WEE1: variants seen among roughly 807,000 people sequenced by gnomAD.
WEE1 encodes wee1-like protein kinase.
WEE1 carries 16 observed loss-of-function variants against 68.8 expected under a neutral mutation model. That is an observed-to-expected ratio of 0.23 (90% confidence interval 0.16 to 0.35). The LOEUF (loss-of-function observed/expected upper bound fraction) is 0.35, where lower values mean the gene tolerates loss of function less well. Among genes scored for constraint, WEE1 ranks in the 10% least tolerant of loss-of-function variants. The pLI is 1.00. For synonymous variants in WEE1, 349 were observed against 318.7 expected (o/e 1.09, Z -1.01); for missense variants, 651 against 824.1 (o/e 0.79, Z 2.57).
At chr11:9,582,418 A>G (rs1849638094) in intron 6 of WEE1, among the ~76,000 whole-genome samples, 2 of 152,180 alleles carry the variant, frequency 1.3e-5, no homozygotes, top group South Asian at 4.1e-4. Flanking sequence ...GATTCAAGTT[A>G]AGCATCTTAG....
chr11:9,575,140 T>C, intron 1 of WEE1: 2 of 985,584 alleles, frequency 2.0e-6, no homozygotes, highest in Non-Finnish European at 2.4e-6. Flanking sequence ...GCCCAGCATT[T>C]GTTTTTATCG....
chr11:9,583,993 G>A (rs1482879290), intron 6 of WEE1, among the ~76,000 whole-genome samples: 1 of 151,052 alleles, frequency 6.6e-6, no homozygotes, highest in Non-Finnish European at 1.5e-5. Context: ...TTACAGGCGT[G>A]CACCACCATG....
Position 9,573,901 on chromosome 11 carries a change from T to C in WEE1, c.-33T>C, listed in dbSNP as rs1224125654. ...TGTCCTGGACCCCGCAGGCCTCCGCTCTCCTGTCCTCGGCCCCGTCCCCAG... is the reference window on the plus strand; with the variant it reads ...TGTCCTGGACCCCGCAGGCCTCCGCCCTCCTGTCCTCGGCCCCGTCCCCAG... On this transcript the variant is annotated 5_prime_UTR_variant, in exon 1 of 11. Transcript: ENST00000450114. 2 of 1,229,778 alleles carry C rather than the reference T, an allele frequency of 1.6e-6. No homozygotes were observed. Among genetic ancestry groups the C allele is most frequent in the Non-Finnish European group, 2.0e-6 (2 of 985,988 alleles). The allele number at this position is 1,229,778 out of a possible 1,614,324, so 76.2% of individuals were successfully genotyped here.
At chr11:9,580,060 A>AAAAGC (rs1849607654) in intron 5 of WEE1, 1 of 152,256 alleles carries the variant, frequency 6.6e-6, no homozygotes, top group Non-Finnish European at 1.5e-5. Context: ...CTAATTCTAT[A>AAAAGC]AAAGCAGGTT....
Position 9,585,243 on chromosome 11 carries a change from T to TA in WEE1, c.1289-15_1289-14insA. On this transcript the variant is annotated splice_polypyrimidine_tract_variant and intron_variant, in intron 6 of 10. Coordinates refer to ENST00000450114, the MANE Select transcript of WEE1 (RefSeq NM_003390.4). ...ATTATTATTAGTTTGGCTTACATAA[T>TA]TAACTGTTTGACAGGTAATATTTTC... The TA allele has an allele frequency of 1.3e-6, 2 of 1,583,760 alleles. No homozygotes were observed. The highest frequency in any genetic ancestry group is 1.7e-6 in the Non-Finnish European group (2 of 1,153,998).
intron 6 of WEE1, among the ~76,000 whole-genome samples, chr11:9,583,755 G>GCACA (rs1849657052): frequency 1.1e-4 from 1 of 8,754 alleles, no homozygotes; most frequent in African/African-American, 3.5e-4. Context: ...GTGCGTGCAC[G>GCACA]CGCGCGCACA....
intron 6 of WEE1, among the ~76,000 whole-genome samples, chr11:9,581,908 G>A (rs1187372044): frequency 6.6e-6 from 1 of 152,210 alleles, no homozygotes; most frequent in Non-Finnish European, 1.5e-5. Flanking sequence ...CTGTGGCCCA[G>A]GCCGGAATGC....
intron 6 of WEE1, among the ~76,000 whole-genome samples, chr11:9,582,137 C>T (rs1849635074): frequency 6.6e-6 from 1 of 152,258 alleles, no homozygotes; most frequent in South Asian, 2.1e-4. Context: ...CACTCTTCCA[C>T]TAGGCCAGAC....
Position 9,589,253 on chromosome 11 carries a change from TGATGAAA to T in WEE1, c.*652_*658del. ...ATTATGTGAAATGTATAGCTGCTTTTGATGAAAAGCAGCTATTTGCCTTTTTTTTTTT... is the reference window on the plus strand; with the variant it reads ...ATTATGTGAAATGTATAGCTGCTTTTAGCAGCTATTTGCCTTTTTTTTTTT... On this transcript the variant is annotated 3_prime_UTR_variant, in exon 11 of 11. Transcript: ENST00000450114. 1 of 985,250 alleles carries T rather than the reference TGATGAAA, an allele frequency of 1.0e-6. No individual in the cohort carries two copies. Among genetic ancestry groups the T allele is most frequent in the Non-Finnish European group, 1.2e-6 (1 of 829,650 alleles). 61.0% of individuals were successfully genotyped at this position (985,250 alleles called of 1,614,324 possible).
Position 9,574,326 on chromosome 11 carries a change from C to T in WEE1, c.393C>T (p.Pro131=), listed in dbSNP as rs543072187. The stretch of plus-strand genomic sequence containing the variant: ...CGCCGGTCAAGTCGCCGGCGGCCCC[C>T]TACTTCCTGGGTAGCTCTTTCTCGC... ...SSSPVKSPAA[P]YFLGSSFSPV... is the part of the protein sequence containing the mutation. Residue 131 remains proline (P), a synonymous_variant, in exon 1 of 11, where the codon CCC becomes CCT. Coordinates refer to ENST00000450114, the MANE Select transcript of WEE1 (RefSeq NM_003390.4). This position sits in a 1 kb window ranked among gnomAD's most constrained non-coding sequence, Gnocchi z 4.9. 1.1e-4 allele frequency: 136 copies of T among 1,275,224 alleles called. No homozygotes were observed. In the African/African-American group the frequency reaches 1.7e-3, roughly 16 times the overall value. 79.0% of individuals were successfully genotyped at this position (1,275,224 alleles called of 1,614,324 possible).
At chr11:9,585,186 G>A (rs1364015186) in intron 6 of WEE1, 72 bp from the exon 7 acceptor site, 1 of 1,157,546 alleles carries the variant, frequency 8.6e-7, no homozygotes, top group Admixed American at 1.8e-5. Context: ...GGATGATTCT[G>A]GTATATGATC....
In WEE1 at chr11:9,585,269, A is replaced by G. The variant is rs147537355; in HGVS notation, c.1300A>G (p.Ile434Val). ...TAACTGTTTGACAGGTAATATTTTCATATCTCGAACCTCAATCCCAAATGC... is the reference window on the plus strand; with the variant it reads ...TAACTGTTTGACAGGTAATATTTTCGTATCTCGAACCTCAATCCCAAATGC... ...HMDIKPSNIF[I>V]SRTSIPNAAS... Residue 434 changes from isoleucine to valine, a missense_variant, in exon 7 of 11, where the codon ATA becomes GTA. Transcript: ENST00000450114. The G allele has an allele frequency of 7.3e-5, 117 of 1,613,054 alleles. No homozygotes were observed. Among genetic ancestry groups the G allele is most frequent in the Non-Finnish European group, 9.2e-5 (108 of 1,179,504 alleles).
At chr11:9,586,924 A>G in intron 10 of WEE1, 68 bp downstream of exon 10, 2 of 1,488,414 alleles carry the variant, frequency 1.3e-6, no homozygotes. Context: ...TTAATGAGAG[A>G]TGATTTAAGC....
chr11:9,581,498 A>G (rs1849627206), intron 5 of WEE1, 34 bp from the exon 6 acceptor site: 2 of 1,560,994 alleles, frequency 1.3e-6, no homozygotes, highest in East Asian at 2.3e-5. Context: ...TATTTCAGAA[A>G]GAAGAAAATG....
Position 9,574,566 on chromosome 11 carries a change from G to T in WEE1, c.576+57G>T. ...CGGGGCCGCGGCGCCGGAGGGGCCA[G>T]CGCCGCTGCCTGGGTTCGGTTACAG... On this transcript the variant is annotated intron_variant, in intron 1 of 10. Coordinates refer to ENST00000450114, the MANE Select transcript of WEE1 (RefSeq NM_003390.4). The surrounding 1 kb of genome is among the most constrained non-coding windows in gnomAD (Gnocchi z 4.9). The T allele has an allele frequency of 8.6e-7, 1 of 1,162,164 alleles. No individual in the cohort carries two copies. Among genetic ancestry groups the T allele is most frequent in the Non-Finnish European group, 1.1e-6 (1 of 945,356 alleles). 72.0% of individuals were successfully genotyped at this position (1,162,164 alleles called of 1,614,324 possible).
At chr11:9,585,071 A>G (rs370087517) in intron 6 of WEE1, 187 bp from the exon 7 acceptor site, 1 of 577,018 alleles carries the variant, frequency 1.7e-6, no homozygotes, top group Non-Finnish European at 3.0e-6. Context: ...TCAAAAAAAA[A>G]CAAAAAAAAT....
rs1415820341 is a variant in WEE1, at chr11:9,574,534, C to G, written c.576+25C>G. On this transcript the variant is annotated intron_variant, in intron 1 of 10. Coordinates refer to ENST00000450114, the MANE Select transcript of WEE1 (RefSeq NM_003390.4). The surrounding 1 kb of genome is among the most constrained non-coding windows in gnomAD (Gnocchi z 4.9). ...GGTGAGAGCGGCGGGCGCGGGCACC[C>G]GGCGGCCGGGGCCGCGGCGCCGGAG... The G allele has an allele frequency of 7.6e-6, 9 of 1,188,450 alleles. No individual in the cohort carries two copies. The highest frequency in any genetic ancestry group is 3.5e-4 in the Middle Eastern group (1 of 2,878). The allele number at this position is 1,188,450 out of a possible 1,614,324, so 73.6% of individuals were successfully genotyped here.
At chr11:9,583,790 CACACACACACACATATATATAT>C (rs1565089999) in intron 6 of WEE1, among the ~76,000 whole-genome samples, 8 of 30,510 alleles carry the variant, frequency 2.6e-4, no homozygotes, top group African/African-American at 8.5e-4. Context: ...CACACACACA[CACACACACACACATATATATAT>C]ATATATATAT....
Position 9,588,820 on chromosome 11 carries a change from T to C in WEE1, c.*218T>C. On this transcript the variant is annotated 3_prime_UTR_variant, in exon 11 of 11. Coordinates refer to ENST00000450114, the MANE Select transcript of WEE1 (RefSeq NM_003390.4). ...GTCTGTCTTCTGTAGGATGTGTCACTGTTGGATGTTACACCAGCCTTTCCA... is the reference window on the plus strand; with the variant it reads ...GTCTGTCTTCTGTAGGATGTGTCACCGTTGGATGTTACACCAGCCTTTCCA... 8.8e-7 allele frequency: 1 copy of C among 1,141,576 alleles called. No homozygotes were observed. The highest frequency in any genetic ancestry group is 1.1e-6 in the Non-Finnish European group (1 of 927,166). The allele number at this position is 1,141,576 out of a possible 1,614,324, so 70.7% of individuals were successfully genotyped here. A position where few individuals can be genotyped will look rare whatever the true frequency, so the allele number is the denominator to read the frequency against.
Sources: gnomAD v4.1 joint callset for allele counts (sites outside exome capture counted in the v4.1 genomes callset) on GRCh38, gnomAD v4.1.1 for gene constraint, Gnocchi (gnomAD v3.1) non-coding constraint, MANE v1.5 for transcripts, NCBI Gene and HGNC (gene_info 2026-07-23, HGNC 2026-07-21) for gene names.